The following MEF2B variants were observed in gnomAD, a reference collection of about 807,000 sequenced individuals.
MEF2B encodes the protein myocyte enhancer factor 2B.
Under a neutral mutation model 32.2 loss-of-function variants are expected in MEF2B, and 15 were observed. The observed-to-expected ratio is 0.47, with a 90% CI of 0.31 to 0.72. MEF2B has a LOEUF of 0.72. Among genes scored for constraint, MEF2B ranks in the 30% least tolerant of loss-of-function variants. The pLI, the probability that MEF2B is intolerant of heterozygous loss-of-function variation, is 0.05. For missense variants in MEF2B, 441 were observed against 511.5 expected (o/e 0.86, Z 1.33); for synonymous variants, 205 against 225.6 (o/e 0.91, Z 0.82).
At chr19:19,146,130 A>AG (rs1251733503) in intron 8 of MEF2B, 108 bp from the exon 9 acceptor site, 1 of 1,031,522 alleles carries the variant, frequency 9.7e-7, no homozygotes, top group African/African-American at 1.7e-5. Flanking sequence ...CTGGGAAAGG[A>AG]GGGGGTGGCG....
intron 1 of MEF2B, among the ~76,000 whole-genome samples, chr19:19,169,147 G>A (rs1048085568): frequency 7.3e-5 from 11 of 151,460 alleles, no homozygotes; most frequent in African/African-American, 2.7e-4. Flanking sequence ...GAGGTCTGGA[G>A]TTCAAGACCA....
At chr19:19,163,594 A>G (rs2060184357) in intron 1 of MEF2B, among the ~76,000 whole-genome samples, 2 of 152,260 alleles carry the variant, frequency 1.3e-5, no homozygotes, top group African/African-American at 4.8e-5. Flanking sequence ...CCTTGAATCA[A>G]CGACCAAACA....
intron 2 of MEF2B, 80 bp downstream of exon 2, chr19:19,150,602 G>A (rs565321372): frequency 6.3e-7 from 1 of 1,588,284 alleles, no homozygotes; most frequent in East Asian, 2.2e-5. Flanking sequence ...CAGTTCAATT[G>A]GTCAGGTCAG....
intron 1 of MEF2B, among the ~76,000 whole-genome samples, chr19:19,158,113 A>G (rs568265061): frequency 1.3e-5 from 2 of 148,544 alleles, no homozygotes; most frequent in African/African-American, 5.0e-5. Flanking sequence ...TTTGAAGTGG[A>G]GTCTCGCTCT....
chr19:19,152,388 A>AAAAAAAG (rs1292124749), intron 1 of MEF2B, among the ~76,000 whole-genome samples: 6 of 132,244 alleles, frequency 4.5e-5, no homozygotes, highest in East Asian at 2.4e-4. Context: ...CTCAAAAAAA[A>AAAAAAAG]AAAAGAAAAA....
rs59076827 is a variant in MEF2B, at chr19:19,166,587, C to CG, written c.-30+3617_-30+3618insC. ...CCTGAGCAACATAGGGAGACCCCCC[C>CG]ATCTCCAATTAAAAAAAAAAAAAAA... is the stretch of plus-strand genomic sequence containing the variant. On this transcript the variant is annotated intron_variant, in intron 1 of 8. Transcript: ENST00000424583. Among the ~76,000 whole-genome samples the CG allele has an allele frequency of 2.3e-4, 28 of 123,028 alleles. No individual in the cohort carries two copies. In the East Asian group the frequency reaches 6.1e-3, roughly 27 times the overall value. 80.7% of individuals were successfully genotyped at this position (123,028 alleles called of 152,430 possible).
chr19:19,167,228 G>A (rs961051478), intron 1 of MEF2B, among the ~76,000 whole-genome samples: 1 of 151,762 alleles, frequency 6.6e-6, no homozygotes, highest in African/African-American at 2.4e-5. Context: ...GCACGCACCT[G>A]TAATTCCAGC....
At chr19:19,146,518 G>A (rs970854940) in intron 7 of MEF2B, 37 bp downstream of exon 7, 3 of 1,496,104 alleles carry the variant, frequency 2.0e-6, no homozygotes, top group African/African-American at 2.8e-5. Context: ...GAGTGCGGAC[G>A]CTTCCCAGGT....
Position 19,145,954 on chromosome 19 carries a change from C to T in MEF2B, c.950G>A (p.Ser317Asn), listed in dbSNP as rs2146348628. 6.9e-7 allele frequency: 1 copy of T among 1,442,910 alleles called. No homozygotes were observed. The highest frequency in any genetic ancestry group is 9.1e-7 in the Non-Finnish European group (1 of 1,100,144). The allele number at this position is 1,442,910 out of a possible 1,614,324, so 89.4% of individuals were successfully genotyped here. A position where few individuals can be genotyped will look rare whatever the true frequency, so the allele number is the denominator to read the frequency against. ...RGASPPTPPV[S>N]IKSERLSPAP... Reference sequence around the variant, plus strand: ...CGGAGAGAGGCGCTCAGACTTGATGCTGACTGGGGGGGTCGGCGGGGAGGC... The same window carrying T: ...CGGAGAGAGGCGCTCAGACTTGATGTTGACTGGGGGGGTCGGCGGGGAGGC... Residue 317 changes from serine (S) to asparagine (N), a missense_variant, in exon 9 of 9, where the codon AGC becomes AAC. By Grantham distance (46) the Ser-to-Asn change is conservative. Around this residue, in one of 2 missense-constraint regions of MEF2B, gnomAD observed 326 missense variants for 328.4 expected, o/e 0.99. Transcript: ENST00000424583. The surrounding 1 kb of genome is among the most constrained non-coding windows in gnomAD (Gnocchi z 4.6).
intron 1 of MEF2B, among the ~76,000 whole-genome samples, chr19:19,165,909 A>G (rs936447002): frequency 6.6e-6 from 1 of 152,100 alleles, no homozygotes; most frequent in Non-Finnish European, 1.5e-5. Flanking sequence ...GGAGGGAAAC[A>G]GCACCTGGCA....
At chr19:19,150,543 A>AC in intron 2 of MEF2B, 139 bp downstream of exon 2, 7 of 1,012,552 alleles carry the variant, frequency 6.9e-6, no homozygotes, top group Non-Finnish European at 8.1e-6. Flanking sequence ...AAAAAAAAAA[A>AC]GAAAGGCTGA....
At chr19:19,146,207 C>T in intron 8 of MEF2B, 66 bp downstream of exon 8, 1 of 865,016 alleles carries the variant, frequency 1.2e-6, no homozygotes, top group Non-Finnish European at 1.6e-6. Flanking sequence ...CAGGGATGGC[C>T]ACCAGGGGTC....
At chr19:19,162,356 C>A (rs1000976969) in intron 1 of MEF2B, among the ~76,000 whole-genome samples, 26 of 152,086 alleles carry the variant, frequency 1.7e-4, no homozygotes, top group Admixed American at 1.2e-3. Flanking sequence ...TGGTCTTGAA[C>A]TTCCGGCCTC....
At chr19:19,158,421 A>G (rs2060135250) in intron 1 of MEF2B, among the ~76,000 whole-genome samples, 1 of 142,290 alleles carries the variant, frequency 7.0e-6, no homozygotes, top group African/African-American at 2.7e-5. Context: ...CTCCAGCCAG[A>G]GCAACATAGT....
At chr19:19,164,290 A>G (rs2060189694) in intron 1 of MEF2B, among the ~76,000 whole-genome samples, 1 of 152,074 alleles carries the variant, frequency 6.6e-6, no homozygotes, top group Admixed American at 6.6e-5. Context: ...GAAACACCTC[A>G]TGGTCCACAC....
intron 1 of MEF2B, among the ~76,000 whole-genome samples, chr19:19,165,142 A>AG (rs1365823069): frequency 6.6e-6 from 1 of 152,144 alleles, no homozygotes; most frequent in South Asian, 2.1e-4. Flanking sequence ...ATGCAGGAGC[A>AG]GGGGGTGGGC....
chr19:19,160,015 C>CT (rs1157243074), intron 1 of MEF2B, among the ~76,000 whole-genome samples: 1 of 147,988 alleles, frequency 6.8e-6, no homozygotes, highest in Non-Finnish European at 1.5e-5. Context: ...GTTGCCCAGG[C>CT]TGGAGTGCAG....
intron 1 of MEF2B, among the ~76,000 whole-genome samples, chr19:19,153,727 G>A (rs539485276): frequency 6.6e-6 from 1 of 152,102 alleles, no homozygotes; most frequent in South Asian, 2.1e-4. Context: ...AAAGTGCTGA[G>A]ATTACAGGCG....
intron 2 of MEF2B, among the ~76,000 whole-genome samples, chr19:19,150,182 G>GGGAAGGAAGGAA (rs762140000): frequency 2.3e-3 from 258 of 110,166 alleles, no homozygotes; most frequent in African/African-American, 9.4e-3. Context: ...GAGGGAGGGA[G>GGGAAGGAAGGAA]GGAAGGAAGG....
Sources: allele counts gnomAD v4.1 joint callset (sites outside exome capture counted in the v4.1 genomes callset), GRCh38; gene constraint gnomAD v4.1.1; regional missense constraint gnomAD v4.1.1; non-coding constraint Gnocchi (gnomAD v3.1); transcripts MANE v1.5; gene names NCBI Gene and HGNC (gene_info 2026-07-23, HGNC 2026-07-21).